TENM2: variants seen among roughly 807,000 people sequenced by gnomAD.
The protein encoded by TENM2 is teneurin-2.
TENM2 carries 52 observed loss-of-function variants against 245.2 expected under a neutral mutation model. The observed-to-expected ratio is 0.21, with a 90% CI of 0.17 to 0.27. The LOEUF (loss-of-function observed/expected upper bound fraction) is 0.27, where lower values mean the gene tolerates loss of function less well. Ranked by LOEUF, TENM2 falls within the 10% of genes least tolerant of loss-of-function variation. The pLI, the probability that TENM2 is intolerant of heterozygous loss-of-function variation, is 1.00. For missense variants in TENM2, 3,046 were observed against 3,666.8 expected, an observed-to-expected ratio of 0.83 and a Z score of 4.37; for synonymous variants, 1,363 against 1,438.9, an observed-to-expected ratio of 0.95 and a Z score of 1.19.
At chr5:168,253,765 G>A (rs1271598502) in intron 27 of TENM2, among the ~76,000 whole-genome samples, 3 of 152,198 alleles carry the variant, frequency 2.0e-5, no homozygotes, top group Non-Finnish European at 1.5e-5. Flanking sequence ...CTTGGAGGTG[G>A]GGAGTTCAAA....
chr5:168,026,927 C>G (rs1397707146), intron 5 of TENM2, among the ~76,000 whole-genome samples: 1 of 152,182 alleles, frequency 6.6e-6, no homozygotes, highest in African/African-American at 2.4e-5. Context: ...AATCACTTCA[C>G]AACCATTCCA....
chr5:167,201,467 G>C, the TENM2 span, among the ~76,000 whole-genome samples: 1 of 152,152 alleles, frequency 6.6e-6, no homozygotes, highest in Non-Finnish European at 1.5e-5. Context: ...AAATGTAATG[G>C]AGGAAAATCA....
intron 2 of TENM2, among the ~76,000 whole-genome samples, chr5:167,378,813 G>T (rs1487464888): frequency 6.7e-6 from 1 of 148,524 alleles, no homozygotes. Flanking sequence ...TCTTGTCTAT[G>T]TTCTCTTGAC....
At chr5:167,597,807 C>G (rs1185042785) in intron 2 of TENM2, among the ~76,000 whole-genome samples, 1 of 152,174 alleles carries the variant, frequency 6.6e-6, no homozygotes, top group African/African-American at 2.4e-5. Flanking sequence ...TCCCACCACA[C>G]TAACCTCATT....
intron 12 of TENM2, among the ~76,000 whole-genome samples, chr5:168,140,601 AT>A (rs1345846227): frequency 2.6e-5 from 4 of 152,322 alleles, no homozygotes; most frequent in Non-Finnish European, 5.9e-5. Context: ...GTACATCTGC[AT>A]CCATTACAAC....
At chr5:167,180,459 G>A in the TENM2 span, among the ~76,000 whole-genome samples, 4 of 152,026 alleles carry the variant, frequency 2.6e-5, no homozygotes, top group Non-Finnish European at 4.4e-5. Context: ...AAGTGCCGCC[G>A]CCTGACCTGA....
intron 2 of TENM2, among the ~76,000 whole-genome samples, chr5:167,820,032 C>G (rs1165707057): frequency 6.6e-6 from 1 of 152,084 alleles, no homozygotes; most frequent in African/African-American, 2.4e-5. Flanking sequence ...TTTCCTAAAC[C>G]CAGGGAGGTC....
chr5:167,166,608 C>G, the TENM2 span, among the ~76,000 whole-genome samples: 5 of 151,664 alleles, frequency 3.3e-5, no homozygotes, highest in Admixed American at 6.6e-5. Context: ...TTGGGTCATC[C>G]CTATAAAAAA....
intron 5 of TENM2, among the ~76,000 whole-genome samples, chr5:168,007,462 T>C (rs1025220700): frequency 1.9e-4 from 29 of 152,254 alleles, no homozygotes; most frequent in African/African-American, 6.3e-4. Flanking sequence ...GAGATGTGTA[T>C]TGGAGAGGCT....
At chr5:167,364,852 AAG>A (rs2127278218) in intron 1 of TENM2, among the ~76,000 whole-genome samples, 1 of 152,128 alleles carries the variant, frequency 6.6e-6, no homozygotes, top group Non-Finnish European at 1.5e-5. Context: ...TAAAGGAGGA[AAG>A]AGAAAAAAAA....
chr5:167,877,993 A>G (rs1029179269), intron 3 of TENM2, among the ~76,000 whole-genome samples: 2 of 152,200 alleles, frequency 1.3e-5, no homozygotes, highest in Non-Finnish European at 2.9e-5. Context: ...TTAAAAACAG[A>G]CAATTATTAG....
intron 8 of TENM2, 68 bp from the exon 11 acceptor site, chr5:168,097,958 A>T: frequency 8.3e-7 from 1 of 1,201,450 alleles, no homozygotes; most frequent in Non-Finnish European, 1.2e-6. Flanking sequence ...GTGGCAAGTT[A>T]CTGACGGTTA....
At chr5:167,488,078 A>G (rs929560982) in intron 2 of TENM2, among the ~76,000 whole-genome samples, 2 of 152,178 alleles carry the variant, frequency 1.3e-5, no homozygotes, top group Non-Finnish European at 2.9e-5. Context: ...ATTAGATCAC[A>G]TAACACTCTT....
chr5:167,297,491 G>C (rs1043712998), intron 1 of TENM2: 8 of 152,146 alleles, frequency 5.3e-5, no homozygotes, highest in African/African-American at 1.9e-4. Context: ...GGTAACAGTT[G>C]ATTATGTTAA....
the TENM2 span, among the ~76,000 whole-genome samples, chr5:167,274,589 T>A: frequency 6.6e-6 from 1 of 151,910 alleles, no homozygotes; most frequent in Non-Finnish European, 1.5e-5. Flanking sequence ...TTCTTTCTTT[T>A]TTTTTTTAAG....
At chr5:167,710,660 G>A (rs1011793241) in intron 2 of TENM2, among the ~76,000 whole-genome samples, 5 of 152,188 alleles carry the variant, frequency 3.3e-5, no homozygotes, top group Admixed American at 6.5e-5. Flanking sequence ...AAGCAGTAGG[G>A]AAAGATGAAA....
intron 2 of TENM2, among the ~76,000 whole-genome samples, chr5:167,632,918 C>A (rs1778970036): frequency 6.6e-6 from 1 of 152,116 alleles, no homozygotes; most frequent in Admixed American, 6.5e-5. Flanking sequence ...GTTTCTCTGT[C>A]ATGATTTCGT....
chr5:167,825,081 C>A (rs1384209656), intron 2 of TENM2, among the ~76,000 whole-genome samples: 1 of 152,098 alleles, frequency 6.6e-6, no homozygotes, highest in East Asian at 1.9e-4. Flanking sequence ...GGGAGGGAGG[C>A]AAATATATAT....
At chr5:167,220,827 A>G in the TENM2 span, among the ~76,000 whole-genome samples, 1 of 143,104 alleles carries the variant, frequency 7.0e-6, no homozygotes, top group East Asian at 2.0e-4. Flanking sequence ...TGTATCATAC[A>G]CATTTTTTTT....
Sources: allele counts gnomAD v4.1 joint callset (sites outside exome capture counted in the v4.1 genomes callset), GRCh38; gene constraint gnomAD v4.1.1; transcripts MANE v1.5; gene names NCBI Gene and HGNC (gene_info 2026-07-23, HGNC 2026-07-21).